Variants in GPC3 observed in about 807,000 individuals in gnomAD.
GPC3 encodes glypican-3.
A neutral mutation model predicts 34.4 loss-of-function variants in GPC3; 3 were observed. The ratio of observed to expected loss-of-function variants is 0.09; its 90% CI spans 0.04 to 0.23. GPC3 has a LOEUF of 0.23. Among genes scored for constraint, GPC3 ranks in the 10% least tolerant of loss-of-function variants. GPC3 has a pLI of 1.00. For missense variants in GPC3, 351 were observed against 445.6 expected, an observed-to-expected ratio of 0.79 and a Z score of 1.91; for synonymous variants, 177 against 174.0, an observed-to-expected ratio of 1.02 and a Z score of -0.13.
intron 7 of GPC3, among the ~76,000 whole-genome samples, chrX:133,578,131 C>T (rs1040305982): frequency 3.6e-5 from 4 of 111,925 alleles, no homozygotes; most frequent in African/African-American, 1.3e-4. Context: ...TTGTGCCAAC[C>T]CTATCATTAC....
intron 5 of GPC3, among the ~76,000 whole-genome samples, chrX:133,662,580 G>A (rs1030501908): frequency 8.9e-6 from 1 of 112,486 alleles, no homozygotes; most frequent in Non-Finnish European, 1.9e-5. Flanking sequence ...GCCTTCCAGT[G>A]TGGGGTTTTG....
At chrX:133,700,062 C>A in intron 3 of GPC3, 34 bp from the exon 4 acceptor site, 1 of 1,115,465 alleles carries the variant, frequency 9.0e-7, no homozygotes. Context: ...TTATATGATA[C>A]TTGTGCAGAT....
chrX:133,678,787 G>C (rs1000767862), intron 5 of GPC3, among the ~76,000 whole-genome samples: 46 of 111,808 alleles, frequency 4.1e-4, no homozygotes, highest in Middle Eastern at 4.6e-3. Context: ...AAAAATAGGG[G>C]TTTCTTAAAT....
intron 2 of GPC3, among the ~76,000 whole-genome samples, chrX:133,779,990 A>T (rs1212979744): frequency 8.9e-6 from 1 of 111,745 alleles, no homozygotes; most frequent in Non-Finnish European, 1.9e-5. Flanking sequence ...TATCTTGCAC[A>T]TGGCACCTTT....
chrX:133,590,933 G>T (rs994660371), intron 7 of GPC3, among the ~76,000 whole-genome samples: 3 of 111,972 alleles, frequency 2.7e-5, no homozygotes, highest in Non-Finnish European at 3.8e-5. Flanking sequence ...TGCAAGACTT[G>T]TGTGTACACT....
chrX:133,921,979 A>G (rs1407546005), intron 2 of GPC3, among the ~76,000 whole-genome samples: 1 of 112,579 alleles, frequency 8.9e-6, no homozygotes, highest in Non-Finnish European at 1.9e-5. Flanking sequence ...CCATCTGGCC[A>G]TTAAGCAGTT....
chrX:133,847,703 C>G lies in GPC3; in HGVS notation c.338-93527G>C, dbSNP rs571063804. Among the ~76,000 whole-genome samples, 592 of 112,032 alleles carry G rather than the reference C, an allele frequency of 5.3e-3. 6 individuals carry two copies. The highest frequency in any genetic ancestry group is 0.034 in the South Asian group (91 of 2,660). The stretch of plus-strand genomic sequence containing the variant: ...TTCCAAACTAGAACTAGTTAATCCT[C>G]AGGGTTTTGCCCACTTACAGAAAAT... On this transcript the variant is annotated intron_variant, in intron 2 of 7. Coordinates refer to ENST00000370818, the MANE Select transcript of GPC3 (RefSeq NM_004484.4).
Position 133,536,137 on chromosome X carries a change from A to T in GPC3, c.1730T>A (p.Phe577Tyr). The T allele has an allele frequency of 8.3e-7, 1 of 1,205,599 alleles. No individual in the cohort carries two copies. The highest frequency in any genetic ancestry group is 1.1e-6 in the Non-Finnish European group (1 of 891,441). ...GGCACCAGGCAGTCAGTGCACCAGG[A>T]AGAAGAAGCACACCACCGAGATGGC... ...SMAISVVCFF[F>Y]LVH The change falls in exon 8 of 8, where the codon TTC becomes TAC. Residue 577 changes from phenylalanine (F) to tyrosine (Y), a missense_variant. Transcript: ENST00000370818.
At chrX:133,934,673 A>G (rs1342971270) in intron 2 of GPC3, among the ~76,000 whole-genome samples, 1 of 106,669 alleles carries the variant, frequency 9.4e-6, no homozygotes, top group East Asian at 3.0e-4. Context: ...CACCACACTC[A>G]GCTAATTTTT....
chrX:133,685,167 T>C (rs1201685282), intron 5 of GPC3, among the ~76,000 whole-genome samples: 1 of 111,855 alleles, frequency 8.9e-6, no homozygotes. Context: ...GTTCTTAAAA[T>C]AATTGCATTA....
chrX:133,981,579 TC>T, intron 1 of GPC3, among the ~76,000 whole-genome samples: 1 of 112,032 alleles, frequency 8.9e-6, no homozygotes, highest in East Asian at 2.8e-4. Context: ...TTTTAACAAA[TC>T]ACCTGGTCAC....
chrX:133,863,036 C>T (rs1345360777), intron 2 of GPC3, among the ~76,000 whole-genome samples: 1 of 113,038 alleles, frequency 8.8e-6, no homozygotes, highest in Non-Finnish European at 1.9e-5. Context: ...CTTAGCACTG[C>T]TTTTCTCTTG....
At chrX:133,841,950 G>C (rs993251093) in intron 2 of GPC3, among the ~76,000 whole-genome samples, 1 of 112,368 alleles carries the variant, frequency 8.9e-6, no homozygotes, top group Middle Eastern at 4.6e-3. Flanking sequence ...TTTGAGACTC[G>C]GACTGGCTCT....
At chrX:133,606,838 T>A (rs773708563) in intron 6 of GPC3, among the ~76,000 whole-genome samples, 4 of 112,047 alleles carry the variant, frequency 3.6e-5, no homozygotes, top group African/African-American at 9.7e-5. Flanking sequence ...GTAATTTGTG[T>A]AAAGCACTGA....
At chrX:133,544,457 A>T (rs777028444) in intron 7 of GPC3, among the ~76,000 whole-genome samples, 1 of 111,790 alleles carries the variant, frequency 8.9e-6, no homozygotes, top group Admixed American at 9.5e-5. Flanking sequence ...GGGGTTTTCA[A>T]CCACCAGCTA....
chrX:133,572,889 A>G (rs1263966722), intron 7 of GPC3, among the ~76,000 whole-genome samples: 5 of 112,070 alleles, frequency 4.5e-5, no homozygotes, highest in Non-Finnish European at 7.5e-5. Flanking sequence ...AGGAAGAAAT[A>G]CTTTTTACTT....
At chrX:133,788,698 C>T in intron 2 of GPC3, among the ~76,000 whole-genome samples, 1 of 105,172 alleles carries the variant, frequency 9.5e-6, no homozygotes, top group Non-Finnish European at 2.0e-5. Flanking sequence ...CTCCTCCTCC[C>T]TCTCCTCCTC....
intron 2 of GPC3, among the ~76,000 whole-genome samples, chrX:133,797,211 C>T (rs2075586341): frequency 9.1e-6 from 1 of 110,383 alleles, no homozygotes; most frequent in Non-Finnish European, 1.9e-5. Flanking sequence ...GTGGTCTCAG[C>T]CGCAATCAGA....
At chrX:133,654,337 A>G (rs1036314804) in intron 6 of GPC3, among the ~76,000 whole-genome samples, 1 of 111,916 alleles carries the variant, frequency 8.9e-6, no homozygotes, top group East Asian at 2.8e-4. Context: ...ACACACATAC[A>G]TACACACAGA....
Sources: allele counts gnomAD v4.1 joint callset (sites outside exome capture counted in the v4.1 genomes callset), GRCh38; gene constraint gnomAD v4.1.1; transcripts MANE v1.5; gene names NCBI Gene and HGNC (gene_info 2026-07-23, HGNC 2026-07-21).